LRRTM4: variants seen among roughly 807,000 people sequenced by gnomAD.
LRRTM4 encodes the protein leucine rich repeat transmembrane neuronal 4, also known as leucine-rich repeat transmembrane neuronal protein 4.
LRRTM4 carries 25 observed loss-of-function variants against 47.6 expected under a neutral mutation model. The observed-to-expected ratio is 0.53, with a 90% CI of 0.38 to 0.73. LRRTM4 has a LOEUF of 0.73. Ranked by LOEUF, LRRTM4 falls within the 30% of genes least tolerant of loss-of-function variation. The probability of loss-of-function intolerance (pLI) is 0.00; values close to 1 mark genes in which losing one functional copy is unlikely to be tolerated. For missense variants in LRRTM4, 638 were observed against 713.4 expected, an observed-to-expected ratio of 0.89 and a Z score of 1.20; for synonymous variants, 311 against 269.5, an observed-to-expected ratio of 1.15 and a Z score of -1.51.
intron 3 of LRRTM4, among the ~76,000 whole-genome samples, chr2:76,974,234 A>G (rs1240090069): frequency 7.0e-6 from 1 of 143,642 alleles, no homozygotes; most frequent in Non-Finnish European, 1.5e-5. Context: ...ATACATATAT[A>G]TATATACATA....
intron 3 of LRRTM4, among the ~76,000 whole-genome samples, chr2:76,812,409 A>G (rs1398412113): frequency 6.6e-6 from 1 of 152,216 alleles, no homozygotes; most frequent in Non-Finnish European, 1.5e-5. Flanking sequence ...ACAAATGCTG[A>G]TAGGTGTAAT....
At chr2:77,148,566 A>G (rs1368994627) in intron 3 of LRRTM4, among the ~76,000 whole-genome samples, 1 of 152,164 alleles carries the variant, frequency 6.6e-6, no homozygotes, top group East Asian at 1.9e-4. Flanking sequence ...AACTTGTTGC[A>G]TCTTCTGTAA....
chr2:77,077,894 T>A (rs1181932715), intron 3 of LRRTM4, among the ~76,000 whole-genome samples: 1 of 152,164 alleles, frequency 6.6e-6, no homozygotes, highest in Non-Finnish European at 1.5e-5. Flanking sequence ...GTCAAATAAT[T>A]AATCTTCATA....
intron 3 of LRRTM4, among the ~76,000 whole-genome samples, chr2:77,150,286 C>T (rs1030342137): frequency 6.6e-6 from 1 of 152,052 alleles, no homozygotes; most frequent in Admixed American, 6.6e-5. Context: ...TACAAAAATG[C>T]CAGGCTACAA....
At chr2:77,228,801 G>A (rs1272108421) in intron 3 of LRRTM4, among the ~76,000 whole-genome samples, 1 of 152,096 alleles carries the variant, frequency 6.6e-6, no homozygotes, top group African/African-American at 2.4e-5. Context: ...GAATCAGACC[G>A]CTTCACATGG....
chr2:76,953,880 G>C (rs965373452), intron 3 of LRRTM4, among the ~76,000 whole-genome samples: 2 of 151,890 alleles, frequency 1.3e-5, no homozygotes, highest in Admixed American at 6.6e-5. Flanking sequence ...CAGAGCACAA[G>C]AGAGGTCAGT....
intron 3 of LRRTM4, among the ~76,000 whole-genome samples, chr2:77,059,944 C>T (rs753541431): frequency 1.3e-5 from 2 of 152,106 alleles, no homozygotes; most frequent in Non-Finnish European, 2.9e-5. Flanking sequence ...AGAATCAAAA[C>T]AATGTTCTTT....
intron 3 of LRRTM4, among the ~76,000 whole-genome samples, chr2:77,043,987 G>T (rs904240309): frequency 6.6e-6 from 1 of 151,460 alleles, no homozygotes; most frequent in African/African-American, 2.4e-5. Flanking sequence ...TCCAGGGTGT[G>T]CAATGCTCCC....
At chr2:76,960,893 C>T (rs1340214915) in intron 3 of LRRTM4, among the ~76,000 whole-genome samples, 1 of 151,356 alleles carries the variant, frequency 6.6e-6, no homozygotes. Flanking sequence ...TAAATGCTCA[C>T]CATTTTTGTT....
chr2:77,145,318 GAA>G (rs1312081539), intron 3 of LRRTM4, among the ~76,000 whole-genome samples: 1 of 150,670 alleles, frequency 6.6e-6, no homozygotes, highest in East Asian at 1.9e-4. Flanking sequence ...TACAAAAGTT[GAA>G]AAAATTAAAC....
At chr2:76,779,407 T>C (rs1674220809) in intron 3 of LRRTM4, among the ~76,000 whole-genome samples, 1 of 150,638 alleles carries the variant, frequency 6.6e-6, no homozygotes, top group Admixed American at 6.6e-5. Flanking sequence ...AGTCTCTTTG[T>C]AGGTCGCTCA....
At chr2:77,144,865 A>G (rs1672214004) in intron 3 of LRRTM4, among the ~76,000 whole-genome samples, 2 of 152,192 alleles carry the variant, frequency 1.3e-5, no homozygotes, top group Admixed American at 6.5e-5. Context: ...GAACTGTTGT[A>G]AGGACCACTA....
At chr2:76,912,151 C>A (rs1344827435) in intron 3 of LRRTM4, among the ~76,000 whole-genome samples, 1 of 152,086 alleles carries the variant, frequency 6.6e-6, no homozygotes, top group African/African-American at 2.4e-5. Context: ...GATCTCCTGA[C>A]CTTGTGATCC....
intron 3 of LRRTM4, among the ~76,000 whole-genome samples, chr2:77,219,535 G>A (rs182454611): frequency 6.4e-4 from 98 of 152,208 alleles, no homozygotes; most frequent in Middle Eastern, 3.4e-3. Flanking sequence ...TTTACAGTAC[G>A]GATAACTTCT....
chr2:76,780,514 T>C (rs145564148), intron 3 of LRRTM4, among the ~76,000 whole-genome samples: 2,760 of 152,252 alleles, frequency 0.018, 48 homozygotes, highest in Middle Eastern at 0.044. Flanking sequence ...TCATTTCATC[T>C]TCCATTGCTG....
chr2:77,453,384 G>T (rs1394852549), intron 3 of LRRTM4, among the ~76,000 whole-genome samples: 1 of 151,760 alleles, frequency 6.6e-6, no homozygotes, highest in Non-Finnish European at 1.5e-5. Context: ...GGTTCACCGT[G>T]TTAGCAAGGA....
At chr2:76,873,490 G>A (rs1023065682) in intron 3 of LRRTM4, among the ~76,000 whole-genome samples, 6 of 114,932 alleles carry the variant, frequency 5.2e-5, no homozygotes, top group Non-Finnish European at 5.3e-5. Context: ...ATATGTGTGT[G>A]TGTATATATA....
chr2:77,004,046 A>G (rs1677538145), intron 3 of LRRTM4, among the ~76,000 whole-genome samples: 2 of 152,196 alleles, frequency 1.3e-5, no homozygotes, highest in African/African-American at 4.8e-5. Flanking sequence ...AATTTAGGGT[A>G]TCCATTGGAA....
chr2:76,991,564 C>T (rs534710765), intron 3 of LRRTM4, among the ~76,000 whole-genome samples: 1 of 151,684 alleles, frequency 6.6e-6, no homozygotes, highest in Non-Finnish European at 1.5e-5. Context: ...TTGAAATGCA[C>T]AACTTTCAAA....
Sources: allele counts gnomAD v4.1 joint callset (sites outside exome capture counted in the v4.1 genomes callset), GRCh38; gene constraint gnomAD v4.1.1; transcripts MANE v1.5; gene names NCBI Gene and HGNC (gene_info 2026-07-23, HGNC 2026-07-21).